The following SYNE2 variants were observed in gnomAD, a reference collection of about 807,000 sequenced individuals.
The protein encoded by SYNE2 is spectrin repeat containing nuclear envelope protein 2, also known as nesprin-2.
SYNE2 carries 431 observed loss-of-function variants against 856.3 expected under a neutral mutation model. The observed-to-expected ratio is 0.50, with a 90% CI of 0.47 to 0.55. SYNE2 has a LOEUF of 0.55. Among genes scored for constraint, SYNE2 ranks in the 20% least tolerant of loss-of-function variants. The pLI, the probability that SYNE2 is intolerant of heterozygous loss-of-function variation, is 0.00. For missense variants in SYNE2, 8,129 were observed against 8,023.2 expected (o/e 1.01, Z -0.50); for synonymous variants, 2,923 against 2,872.3 (o/e 1.02, Z -0.56).
intron 39 of SYNE2, 120 bp from the exon 40 acceptor site, chr14:64,024,792 C>G (rs1438385699): frequency 1.2e-5 from 13 of 1,072,886 alleles, no homozygotes; most frequent in Non-Finnish European, 1.8e-5. Flanking sequence ...TAAATTCTCT[C>G]TAAATTATAA....
At position 63,814,279 on chromosome 14, in the gene SYNE2, C is replaced by A. The variant is rs1290413314; in HGVS notation, c.-304-38222C>A. Among the ~76,000 whole-genome samples the A allele has an allele frequency of 2.0e-5, 3 of 149,240 alleles. No individual in the cohort carries two copies. In the East Asian group the frequency reaches 5.9e-4, roughly 29 times the overall value. On this transcript the variant is annotated intron_variant, in intron 1 of 23. Coordinates refer to the SYNE2 transcript ENST00000674003. ...AGCGAGGCTCTGTCTTAAAAAAAAA[C>A]AAAAACAAACAAACAAACAAAGAAC...
intron 2 of SYNE2, among the ~76,000 whole-genome samples, chr14:63,939,845 C>T (rs1043837454): frequency 6.6e-6 from 1 of 152,166 alleles, no homozygotes; most frequent in African/African-American, 2.4e-5. Context: ...TTCTCTCTGA[C>T]TAATTACAGC....
chr14:64,137,732 G>A, intron 78 of SYNE2, 55 bp from the exon 79 acceptor site: 1 of 1,585,468 alleles, frequency 6.3e-7, no homozygotes, highest in Non-Finnish European at 8.6e-7. Flanking sequence ...TTTGTGAATA[G>A]CTTGGCAGAC....
At chr14:64,099,429 A>G (rs965732819) in intron 63 of SYNE2, 6 of 170,214 alleles carry the variant, frequency 3.5e-5, no homozygotes, top group Non-Finnish European at 7.6e-5. Flanking sequence ...CATTTTATAG[A>G]TGGTTAAATA....
intron 14 of SYNE2, 72 bp downstream of exon 14, chr14:63,979,086 A>G (rs1032261667): frequency 2.0e-6 from 3 of 1,478,630 alleles, no homozygotes; most frequent in East Asian, 2.3e-5. Context: ...TTTCCTTGGC[A>G]TGATTTCCCA....
At chr14:64,195,259 A>G (rs908757702) in intron 99 of SYNE2, among the ~76,000 whole-genome samples, 4 of 152,214 alleles carry the variant, frequency 2.6e-5, no homozygotes, top group African/African-American at 9.7e-5. Context: ...GAATCATTTT[A>G]ATGAAAATGA....
At chr14:64,213,144 A>G (rs1174865969) in intron 105 of SYNE2, 139 bp downstream of exon 105, 5 of 860,384 alleles carry the variant, frequency 5.8e-6, no homozygotes, top group Non-Finnish European at 9.0e-6. Context: ...GGCTATATCA[A>G]AACATTTTAA....
intron 1 of SYNE2, among the ~76,000 whole-genome samples, chr14:63,898,915 C>T (rs1432509017): frequency 6.6e-6 from 1 of 152,186 alleles, no homozygotes; most frequent in African/African-American, 2.4e-5. Flanking sequence ...GTATTAATTG[C>T]TGCTGGTGGA....
intron 93 of SYNE2, among the ~76,000 whole-genome samples, chr14:64,169,397 G>A (rs1169608059): frequency 1.3e-5 from 2 of 152,168 alleles, no homozygotes; most frequent in African/African-American, 4.8e-5. Context: ...CTGAAAGAAG[G>A]GCTTTCTCTC....
At chr14:63,985,208 T>G (rs1036876332) in intron 18 of SYNE2, among the ~76,000 whole-genome samples, 32 of 151,220 alleles carry the variant, frequency 2.1e-4, no homozygotes, top group African/African-American at 7.5e-4. Context: ...CGGGTGCTTG[T>G]AATCCCAGCT....
chr14:63,920,904 A>G (rs1344152382), intron 2 of SYNE2, among the ~76,000 whole-genome samples: 1 of 152,072 alleles, frequency 6.6e-6, no homozygotes, highest in East Asian at 1.9e-4. Flanking sequence ...ACTTGAGGCC[A>G]GGAGTTCGAG....
At chr14:63,944,305 TATAA>T (rs1408544086) in intron 6 of SYNE2, among the ~76,000 whole-genome samples, 6 of 129,708 alleles carry the variant, frequency 4.6e-5, no homozygotes, top group African/African-American at 8.6e-5. Context: ...TATATATATA[TATAA>T]ATAAATAAAT....
intron 95 of SYNE2, among the ~76,000 whole-genome samples, chr14:64,176,773 T>C (rs1421074044): frequency 6.6e-6 from 1 of 150,758 alleles, no homozygotes; most frequent in Admixed American, 6.6e-5. Context: ...GGAAGAACTT[T>C]TTTATTTTTA....
intron 85 of SYNE2, among the ~76,000 whole-genome samples, chr14:64,157,573 T>TA (rs76853186): frequency 0.091 from 13,920 of 152,254 alleles, 876 homozygotes; most frequent in East Asian, 0.27. Context: ...TATGTGAACA[T>TA]ACGCTTTTAA....
intron 66 of SYNE2, among the ~76,000 whole-genome samples, chr14:64,114,376 T>C (rs530686509): frequency 1.3e-5 from 2 of 152,320 alleles, no homozygotes; most frequent in South Asian, 4.2e-4. Flanking sequence ...GACTTGTCTT[T>C]ATCATATGGG....
chr14:64,137,169 A>G (rs1174987837), intron 78 of SYNE2, among the ~76,000 whole-genome samples: 3 of 152,264 alleles, frequency 2.0e-5, no homozygotes, highest in South Asian at 2.1e-4. Flanking sequence ...CAATAAGTCT[A>G]TAAAGTTGAT....
At chr14:64,019,923 G>A (rs2096923969) in intron 34 of SYNE2, 69 bp from the exon 35 acceptor site, 1 of 1,012,356 alleles carries the variant, frequency 9.9e-7, no homozygotes, top group East Asian at 2.4e-5. Context: ...ATAAACAGTA[G>A]TAATTATGGG....
chr14:63,948,384 C>G (rs980278536), intron 6 of SYNE2, among the ~76,000 whole-genome samples: 2 of 151,994 alleles, frequency 1.3e-5, no homozygotes, highest in African/African-American at 4.8e-5. Flanking sequence ...ATTGCTTAGG[C>G]CGGGTGCGGT....
intron 1 of SYNE2, among the ~76,000 whole-genome samples, chr14:63,856,814 C>G (rs934145910): frequency 3.3e-5 from 5 of 152,150 alleles, no homozygotes; most frequent in African/African-American, 4.8e-5. Context: ...TTCTATCACC[C>G]AGGCTGGAGT....
Sources: allele counts gnomAD v4.1 joint callset (sites outside exome capture counted in the v4.1 genomes callset), GRCh38; gene constraint gnomAD v4.1.1; transcripts MANE v1.5; gene names NCBI Gene and HGNC (gene_info 2026-07-23, HGNC 2026-07-21).